PRKCB: variants seen among roughly 807,000 people sequenced by gnomAD.
PRKCB encodes protein kinase C beta.
A neutral mutation model predicts 81.5 loss-of-function variants in PRKCB; 13 were observed. The ratio of observed to expected loss-of-function variants is 0.16; its 90% CI spans 0.10 to 0.25. The LOEUF (loss-of-function observed/expected upper bound fraction) is 0.25, where lower values mean the gene tolerates loss of function less well. Ranked by LOEUF, PRKCB falls within the 10% of genes least tolerant of loss-of-function variation. PRKCB has a pLI of 1.00. For synonymous variants in PRKCB, 335 were observed against 321.4 expected (o/e 1.04, Z -0.45); for missense variants, 509 against 875.7 (o/e 0.58, Z 5.29).
chr16:23,854,090 A>G (rs1962521979), intron 2 of PRKCB, among the ~76,000 whole-genome samples: 1 of 151,194 alleles, frequency 6.6e-6, no homozygotes, highest in Non-Finnish European at 1.5e-5. Context: ...ACCCACCCCC[A>G]TGATTCCATT....
chr16:23,848,533 C>T (rs1397640508), intron 2 of PRKCB, among the ~76,000 whole-genome samples: 1 of 152,194 alleles, frequency 6.6e-6, no homozygotes, highest in Non-Finnish European at 1.5e-5. Context: ...GGACATCTCT[C>T]TTCACTGTAT....
intron 7 of PRKCB, among the ~76,000 whole-genome samples, chr16:24,109,552 C>T (rs7184267): frequency 1.9e-5 from 2 of 106,468 alleles, no homozygotes; most frequent in South Asian, 5.6e-4. Flanking sequence ...ATGTGATGGC[C>T]GCCCGGCAGA....
intron 5 of PRKCB, among the ~76,000 whole-genome samples, chr16:24,054,695 G>A (rs13336367): frequency 0.021 from 3,204 of 152,258 alleles, 88 homozygotes; most frequent in African/African-American, 0.06. Flanking sequence ...CTGTGGGAAC[G>A]CTGACCAAGC....
intron 12 of PRKCB, among the ~76,000 whole-genome samples, chr16:24,178,862 A>G (rs1967575685): frequency 1.3e-5 from 2 of 152,242 alleles, no homozygotes; most frequent in South Asian, 4.1e-4. Flanking sequence ...CAGCAACTCA[A>G]TTCAAAGTAA....
chr16:23,886,406 G>GTTTTTTTGTTTTTTTTTGTT (rs1963201713), intron 2 of PRKCB, among the ~76,000 whole-genome samples: 1 of 70,202 alleles, frequency 1.4e-5, no homozygotes, highest in African/African-American at 6.5e-5. Flanking sequence ...TGTGTTAGGT[G>GTTTTTTTGTTTTTTTTTGTT]TTTTTTTTTT....
Position 24,219,838 on chromosome 16 carries a change from T to G in PRKCB, c.*5022T>G. The G allele has an allele frequency of 7.0e-7, 1 of 1,424,084 alleles. No homozygotes were observed. The highest frequency in any genetic ancestry group is 2.9e-5 in the Admixed American group (1 of 34,250). 88.2% of individuals were successfully genotyped at this position (1,424,084 alleles called of 1,614,324 possible). ...GCGTGGAGTGCAGCTGCTAAAAATT[T>G]TCAGCACAGGGCTCTTTCTGACTCT... On this transcript the variant is annotated 3_prime_UTR_variant, in exon 17 of 17. Transcript: ENST00000643927.
intron 3 of PRKCB, among the ~76,000 whole-genome samples, chr16:24,023,399 C>T (rs1970849): frequency 0.58 from 87,977 of 151,950 alleles, 25,894 homozygotes; most frequent in South Asian, 0.78. Context: ...GACGGAGTCT[C>T]GCTCTGTCAC....
At chr16:23,909,976 C>T (rs1963624774) in intron 2 of PRKCB, among the ~76,000 whole-genome samples, 1 of 152,160 alleles carries the variant, frequency 6.6e-6, no homozygotes, top group Admixed American at 6.5e-5. Context: ...TAGGCTTCAA[C>T]CAATTAATCT....
chr16:23,953,692 ACATT>A (rs376772797), intron 2 of PRKCB, among the ~76,000 whole-genome samples: 7 of 152,202 alleles, frequency 4.6e-5, no homozygotes, highest in African/African-American at 7.2e-5. Context: ...ATGCGTGAGC[ACATT>A]CATTCATTCA....
At position 23,896,261 on chromosome 16, in the gene PRKCB, G is replaced by A. The variant is rs150259668; in HGVS notation, c.205+58855G>A. 3.3e-3 allele frequency among the ~76,000 whole-genome samples: 504 copies of A among 152,190 alleles called. 6 individuals are homozygous for A. The highest frequency in any genetic ancestry group is 0.011 in the African/African-American group (477 of 41,540). On this transcript the variant is annotated intron_variant, in intron 2 of 16. Coordinates refer to ENST00000643927, the MANE Select transcript of PRKCB (RefSeq NM_002738.7). ...TGCAATTCAAGACTTTTTTAAAGAT[G>A]TGACTCTCAAACTTACTTCATTACT...
At chr16:24,159,269 T>C (rs1399984016) in intron 10 of PRKCB, among the ~76,000 whole-genome samples, 1 of 152,204 alleles carries the variant, frequency 6.6e-6, no homozygotes, top group Non-Finnish European at 1.5e-5. Flanking sequence ...GGTGAAAGGA[T>C]TGAGAATCAG....
intron 13 of PRKCB, among the ~76,000 whole-genome samples, chr16:24,182,818 G>A (rs1967645751): frequency 6.6e-6 from 1 of 151,064 alleles, no homozygotes; most frequent in Non-Finnish European, 1.5e-5. Context: ...CAGATCCTGG[G>A]CCTCCACCTG....
chr16:24,098,183 G>T (rs537285968), intron 7 of PRKCB: 1 of 152,280 alleles, frequency 6.6e-6, no homozygotes, highest in Admixed American at 6.5e-5. Flanking sequence ...CAAAAGAGTT[G>T]TGTTAAAGCA....
At chr16:23,875,565 G>GTA (rs1403936851) in intron 2 of PRKCB, among the ~76,000 whole-genome samples, 2,641 of 19,900 alleles carry the variant, frequency 0.13, 831 homozygotes, top group Middle Eastern at 0.33. Flanking sequence ...TCACACACAT[G>GTA]TGTATATCAA....
In PRKCB at chr16:24,025,820, G is replaced by A. The variant is rs573884251; in HGVS notation, c.289-6316G>A. ...AGTTGGGAGTGAGGAGAGAAGGGAG[G>A]GGAACTTGGTGTGAACCCCATCTCT... On this transcript the variant is annotated intron_variant, in intron 3 of 16. Coordinates refer to ENST00000643927, the MANE Select transcript of PRKCB (RefSeq NM_002738.7). Among the ~76,000 whole-genome samples, 7 of 152,292 alleles carry A rather than the reference G, an allele frequency of 4.6e-5. No homozygotes were observed. The Middle Eastern group carries it at 0.017, about 370-fold the overall frequency.
intron 2 of PRKCB, among the ~76,000 whole-genome samples, chr16:23,959,318 T>C (rs1964392795): frequency 6.6e-6 from 1 of 152,210 alleles, no homozygotes; most frequent in Admixed American, 6.5e-5. Flanking sequence ...CACTGGCCAA[T>C]CTTTAGGGAG....
At chr16:24,105,459 C>T (rs1422080998) in intron 7 of PRKCB, among the ~76,000 whole-genome samples, 2 of 152,022 alleles carry the variant, frequency 1.3e-5, no homozygotes, top group Admixed American at 1.3e-4. Flanking sequence ...TGGTTTGCTG[C>T]ACCTATCAAC....
Position 24,164,508 on chromosome 16 carries a change from T to G in PRKCB, c.1240-7762T>G, listed in dbSNP as rs116192486. ...ACAATGACAATTTTGAAGAAGCCCT[T>G]TAAAGTCAAGCAGACTAGCCAGTTT... On this transcript the variant is annotated intron_variant, in intron 10 of 16. Coordinates refer to ENST00000643927, the MANE Select transcript of PRKCB (RefSeq NM_002738.7). Among the ~76,000 whole-genome samples the G allele has an allele frequency of 3.3e-3, 510 of 152,278 alleles. 2 individuals are homozygous for G. Among genetic ancestry groups the G allele is most frequent in the African/African-American group, 0.012 (483 of 41,552 alleles).
At chr16:24,193,528 T>C (rs1340448451) in intron 16 of PRKCB, among the ~76,000 whole-genome samples, 2 of 151,862 alleles carry the variant, frequency 1.3e-5, no homozygotes, top group Admixed American at 1.3e-4. Flanking sequence ...CCCAGGCTAG[T>C]CTCAAATTCC....
Sources: gnomAD v4.1 joint callset for allele counts (sites outside exome capture counted in the v4.1 genomes callset) on GRCh38, gnomAD v4.1.1 for gene constraint, MANE v1.5 for transcripts, NCBI Gene and HGNC (gene_info 2026-07-23, HGNC 2026-07-21) for gene names.